The following EPHA6 variants were observed in gnomAD, a reference collection of about 807,000 sequenced individuals.
EPHA6 encodes ephrin type-A receptor 6.
EPHA6 carries 50 observed loss-of-function variants against 112.0 expected under a neutral mutation model. That is an observed-to-expected ratio of 0.45 (90% CI 0.36 to 0.56). The LOEUF (loss-of-function observed/expected upper bound fraction) is 0.56. Among genes scored for constraint, EPHA6 ranks in the 20% least tolerant of loss-of-function variants. EPHA6 has a pLI of 0.00. For missense variants in EPHA6, 1,280 were observed against 1,417.4 expected (o/e 0.90, Z 1.56); for synonymous variants, 529 against 490.7 (o/e 1.08, Z -1.03).
At chr3:96,995,574 C>T (rs1193022870) in intron 3 of EPHA6, among the ~76,000 whole-genome samples, 1 of 152,036 alleles carries the variant, frequency 6.6e-6, no homozygotes, top group Admixed American at 6.6e-5. Flanking sequence ...AGGCATACCT[C>T]GGACACATTT....
intron 7 of EPHA6, among the ~76,000 whole-genome samples, chr3:97,457,374 G>C (rs1230461500): frequency 6.6e-6 from 1 of 152,042 alleles, no homozygotes; most frequent in Non-Finnish European, 1.5e-5. Context: ...ACATAGCATG[G>C]GGTTTTGGTT....
intron 10 of EPHA6, among the ~76,000 whole-genome samples, chr3:97,491,604 C>T (rs1362298311): frequency 1.5e-5 from 2 of 134,542 alleles, no homozygotes; most frequent in Admixed American, 1.6e-4. Context: ...GTAGTCTCTC[C>T]TTGTAAGGGT....
rs144421024 is a variant in EPHA6 at position 97,632,029 on chromosome 3, C to A, written c.2575-5844C>A. ...TAGTTCCCTTTTCCTCACTCTTCAG[C>A]AAAAATATAAAAATTTTGTAGTAGT... On this transcript the variant is annotated intron_variant, in intron 13 of 17. Transcript: ENST00000389672. Among the ~76,000 whole-genome samples, 414 of 152,036 alleles carry A rather than the reference C, an allele frequency of 2.7e-3. 4 individuals are homozygous for A. Among genetic ancestry groups the A allele is most frequent in the African/African-American group, 9.1e-3 (377 of 41,506 alleles).
At chr3:97,569,537 A>G (rs917750265) in intron 11 of EPHA6, among the ~76,000 whole-genome samples, 4 of 152,170 alleles carry the variant, frequency 2.6e-5, no homozygotes, top group African/African-American at 9.6e-5. Context: ...AAAACTCAGG[A>G]TATAATAGTT....
intron 5 of EPHA6, among the ~76,000 whole-genome samples, chr3:97,270,856 T>C (rs1376532647): frequency 6.6e-6 from 1 of 152,196 alleles, no homozygotes; most frequent in African/African-American, 2.4e-5. Context: ...TTATGAACAG[T>C]AGTTATCATT....
At chr3:96,887,580 G>C (rs1281722295) in intron 2 of EPHA6, among the ~76,000 whole-genome samples, 1 of 152,178 alleles carries the variant, frequency 6.6e-6, no homozygotes, top group Non-Finnish European at 1.5e-5. Flanking sequence ...CTCCTGCCGG[G>C]AGGTTATGCT....
At chr3:96,852,602 CAAAA>C (rs562944142) in intron 1 of EPHA6, among the ~76,000 whole-genome samples, 13 of 106,138 alleles carry the variant, frequency 1.2e-4, no homozygotes, top group Admixed American at 3.6e-4. Flanking sequence ...GTATCTTATC[CAAAA>C]AAAAAAAAAA....
intron 4 of EPHA6, among the ~76,000 whole-genome samples, chr3:97,233,806 T>C (rs1241104619): frequency 6.6e-6 from 1 of 152,090 alleles, no homozygotes; most frequent in African/African-American, 2.4e-5. Flanking sequence ...ATGAAACCAT[T>C]TTGAATGTAT....
At chr3:96,939,066 T>C (rs1275271179) in intron 2 of EPHA6, among the ~76,000 whole-genome samples, 1 of 152,168 alleles carries the variant, frequency 6.6e-6, no homozygotes, top group Non-Finnish European at 1.5e-5. Flanking sequence ...TCTAAAATTC[T>C]CTTTTTTGGT....
At chr3:97,252,446 G>A (rs28726100) in intron 5 of EPHA6, among the ~76,000 whole-genome samples, 1 of 152,024 alleles carries the variant, frequency 6.6e-6, no homozygotes, top group South Asian at 2.1e-4. Context: ...CGCACGCACA[G>A]GCACACCCAC....
At chr3:97,022,669 C>G (rs1252946019) in intron 3 of EPHA6, among the ~76,000 whole-genome samples, 1 of 152,126 alleles carries the variant, frequency 6.6e-6, no homozygotes, top group Non-Finnish European at 1.5e-5. Flanking sequence ...GACACTTACT[C>G]TAGATGTCCT....
intron 10 of EPHA6, among the ~76,000 whole-genome samples, chr3:97,497,606 A>G (rs1292575937): frequency 6.6e-6 from 1 of 152,118 alleles, no homozygotes; most frequent in African/African-American, 2.4e-5. Flanking sequence ...CAGCCCTTTA[A>G]ACACTACTTG....
intron 2 of EPHA6, among the ~76,000 whole-genome samples, chr3:96,880,658 C>A (rs1321466597): frequency 6.6e-6 from 1 of 152,086 alleles, no homozygotes; most frequent in Non-Finnish European, 1.5e-5. Context: ...TTCATCACCC[C>A]ATATCCATTA....
chr3:97,576,510 T>C lies in EPHA6; in HGVS notation c.2387-16102T>C, dbSNP rs2093386985. On this transcript the variant is annotated intron_variant, in intron 11 of 17. Transcript: ENST00000389672. ...CACTGGCATGTAAATCTTGACAAGC[T>C]TGTATTTTGGGGGTTAGTGATTATT... Among the ~76,000 whole-genome samples, 4 of 152,256 alleles carry C rather than the reference T, an allele frequency of 2.6e-5. No homozygotes were observed. The South Asian group carries it at 8.3e-4, about 32-fold the overall frequency.
At chr3:97,334,453 T>C (rs1407351050) in intron 5 of EPHA6, among the ~76,000 whole-genome samples, 1 of 151,064 alleles carries the variant, frequency 6.6e-6, no homozygotes, top group Non-Finnish European at 1.5e-5. Context: ...AAACTTCTTT[T>C]TTCTTTTCTT....
chr3:97,636,276 A>G (rs1475314713), intron 13 of EPHA6, among the ~76,000 whole-genome samples: 1 of 152,148 alleles, frequency 6.6e-6, no homozygotes, highest in Non-Finnish European at 1.5e-5. Flanking sequence ...TTAGGTCGAA[A>G]GAACTTATAC....
At chr3:96,855,185 T>G (rs1421393872) in intron 1 of EPHA6, among the ~76,000 whole-genome samples, 1 of 152,178 alleles carries the variant, frequency 6.6e-6, no homozygotes. Flanking sequence ...TAAGGACCTT[T>G]GTTATTACAT....
intron 3 of EPHA6, among the ~76,000 whole-genome samples, chr3:97,193,528 G>A (rs1559789097): frequency 6.6e-6 from 1 of 151,682 alleles, no homozygotes; most frequent in African/African-American, 2.4e-5. Flanking sequence ...TTCTAATAGT[G>A]TTTTTTTGGT....
chr3:97,691,434 T>C (rs2032657555), intron 14 of EPHA6, among the ~76,000 whole-genome samples: 1 of 152,224 alleles, frequency 6.6e-6, no homozygotes, highest in Non-Finnish European at 1.5e-5. Context: ...CCTTGTATCT[T>C]CACTTAACTT....
Sources: allele counts gnomAD v4.1 joint callset (sites outside exome capture counted in the v4.1 genomes callset), GRCh38; gene constraint gnomAD v4.1.1; transcripts MANE v1.5; gene names NCBI Gene and HGNC (gene_info 2026-07-23, HGNC 2026-07-21).